The following CRH variants were observed in gnomAD, a reference collection of about 807,000 sequenced individuals.
The protein encoded by CRH is corticotropin releasing hormone.
Under a neutral mutation model 11.1 loss-of-function variants are expected in CRH, and 6 were observed. That is an observed-to-expected ratio of 0.54 (90% CI 0.30 to 1.07). CRH has a LOEUF of 1.07. Ranked by LOEUF, CRH falls within the 50% of genes least tolerant of loss-of-function variation. CRH has a pLI of 0.07. For missense variants in CRH, 289 were observed against 269.4 expected (o/e 1.07, Z -0.51); for synonymous variants, 155 against 132.0 (o/e 1.17, Z -1.19).
rs1288004731 is a variant in CRH, at chr8:66,177,008, G to T, written c.470C>A (p.Pro157His). 1 of 1,614,030 alleles carries T rather than the reference G, an allele frequency of 6.2e-7. No homozygotes were observed. The highest frequency in any genetic ancestry group is 8.5e-7 in the Non-Finnish European group (1 of 1,180,018). Residue 157 changes from proline to histidine, a missense_variant, in exon 2 of 2, where the codon CCT becomes CAT. Transcript: ENST00000276571. ...APERERRSEEPPISLDLTFHL... is the reference protein window; with the variant it reads ...APERERRSEEHPISLDLTFHL... ...GAAGGTGAGATCCAGGGAGATGGGA[G>T]GCTCCTCGGACCGCCTTTCTCTCTC... is the stretch of plus-strand genomic sequence containing the variant.
intron 1 of CRH, among the ~76,000 whole-genome samples, chr8:66,177,921 C>T: frequency 6.6e-6 from 1 of 151,962 alleles, no homozygotes; most frequent in East Asian, 1.9e-4. Context: ...GGTCCTCCCT[C>T]TCCACTTCTG....
In CRH at chr8:66,177,327, G is replaced by A; in HGVS notation, c.151C>T (p.Pro51Ser). Residue 51 changes from proline to serine, a missense_variant, in exon 2 of 2, where the codon CCG becomes TCG. This residue lies in a region of CRH where 261 missense variants were observed against 219.0 expected (regional missense o/e 1.19). Transcript: ENST00000276571. ...GGCTGCTGGGGCTGCTCGGACTGCG[G>A]CGGCGGCTGGAAGAAATCCAAGGGC... ...PQPLDFFQPPPQSEQPQQPQA... is the reference protein window; with the variant it reads ...PQPLDFFQPPSQSEQPQQPQA... The A allele has an allele frequency of 6.4e-7, 1 of 1,554,292 alleles. No individual in the cohort carries two copies. Among genetic ancestry groups the A allele is most frequent in the Non-Finnish European group, 8.7e-7 (1 of 1,154,626 alleles).
In CRH at chr8:66,176,839, A is replaced by C. The variant is rs1261824924; in HGVS notation, c.*48T>G. On this transcript the variant is annotated 3_prime_UTR_variant, in exon 2 of 2. Coordinates refer to ENST00000276571, the MANE Select transcript of CRH (RefSeq NM_000756.4). ...TGGTACAGAATACTGTATTTTTTTA[A>C]ATTTTTTTTGTGCTAAATGCAGATT... 5 of 1,535,800 alleles carry C rather than the reference A, an allele frequency of 3.3e-6. No homozygotes were observed. Among genetic ancestry groups the C allele is most frequent in the Non-Finnish European group, 4.4e-6 (5 of 1,143,928 alleles).
At chr8:66,177,591 TC>T in intron 1 of CRH, 100 bp from the exon 2 acceptor site, 14 of 1,421,604 alleles carry the variant, frequency 9.8e-6, no homozygotes, top group Non-Finnish European at 1.3e-5. Flanking sequence ...CACGGGGTCT[TC>T]CTACGGGACT....
At position 66,176,691 on chromosome 8, in the gene CRH, T is replaced by C; in HGVS notation, c.*196A>G. 1 of 543,996 alleles carries C rather than the reference T, an allele frequency of 1.8e-6. No individual in the cohort carries two copies. The allele number at this position is 543,996 out of a possible 1,614,324, so 33.7% of individuals were successfully genotyped here. A position where few individuals can be genotyped will look rare whatever the true frequency, so the allele number is the denominator to read the frequency against. Reference sequence around the variant, plus strand: ...CTAAACGTAGACAAAACGAATAACATTGTGTTGCTGCTGCACGTGAATACA... The same window carrying C: ...CTAAACGTAGACAAAACGAATAACACTGTGTTGCTGCTGCACGTGAATACA... On this transcript the variant is annotated 3_prime_UTR_variant, in exon 2 of 2. Coordinates refer to ENST00000276571, the MANE Select transcript of CRH (RefSeq NM_000756.4).
rs1053983296 is a variant in CRH, at chr8:66,176,734, A to G, written c.*153T>C. ...TGAATACACTTTGTGCATGCTAAGT[A>G]AGGGGTATAGGCTCTCTCCCTCTCT... On this transcript the variant is annotated 3_prime_UTR_variant, in exon 2 of 2. Coordinates refer to ENST00000276571, the MANE Select transcript of CRH (RefSeq NM_000756.4). The G allele has an allele frequency of 4.6e-6, 4 of 875,832 alleles. No homozygotes were observed. In the African/African-American group the frequency reaches 7.1e-5, roughly 16 times the overall value. 54.3% of individuals were successfully genotyped at this position (875,832 alleles called of 1,614,324 possible).
At position 66,176,878 on chromosome 8, in the gene CRH, C is replaced by T; in HGVS notation, c.*9G>A. The T allele has an allele frequency of 6.3e-7, 1 of 1,574,842 alleles. No homozygotes were observed. The highest frequency in any genetic ancestry group is 8.6e-7 in the Non-Finnish European group (1 of 1,159,644). On this transcript the variant is annotated 3_prime_UTR_variant, in exon 2 of 2. Coordinates refer to ENST00000276571, the MANE Select transcript of CRH (RefSeq NM_000756.4). ...TAAATGCAGATTCTTTTTGGCCAAA[C>T]GCACCGTTTTATTTCCCAATAATCT...
chr8:66,177,192 C>G lies in CRH; in HGVS notation c.286G>C (p.Gly96Arg). Residue 96 changes from glycine (G) to arginine (R), a missense_variant, in exon 2 of 2, where the codon GGA becomes CGA. Physicochemically the swap from Gly to Arg is moderately radical, Grantham distance 125. Transcript: ENST00000276571. ...PLSPASSLLAGGSGSRPSPEQ... is the reference protein window; with the variant it reads ...PLSPASSLLARGSGSRPSPEQ... The stretch of plus-strand genomic sequence containing the variant: ...GGCGAAGGGCGGCTGCCGCTGCCTC[C>G]GGCGAGGAGCGAGGAGGCGGGCGAA... 6.5e-7 allele frequency: 1 copy of G among 1,540,674 alleles called. No individual in the cohort carries two copies. Among genetic ancestry groups the G allele is most frequent in the Non-Finnish European group, 8.7e-7 (1 of 1,146,720 alleles).
chr8:66,177,368 G>C lies in CRH; in HGVS notation c.110C>G (p.Ala37Gly). 1 of 1,542,688 alleles carries C rather than the reference G, an allele frequency of 6.5e-7. No homozygotes were observed. The highest frequency in any genetic ancestry group is 1.4e-5 in the African/African-American group (1 of 73,114). ...SRGPVPGARQ[A>G]PQHPQPLDFF... is the part of the protein sequence containing the mutation. ...ATCCAAGGGCTGAGGGTGCTGCGGC[G>C]CCTGCCGAGCTCCCGGGACCGGCCC... The change falls in exon 2 of 2, where the codon GCG (alanine) becomes GGG (glycine). Residue 37 changes from alanine to glycine, a missense_variant. Around this residue, in one of 2 missense-constraint regions of CRH, gnomAD observed 261 missense variants for 219.0 expected, o/e 1.19. Transcript: ENST00000276571.
At position 66,176,726 on chromosome 8, in the gene CRH, T is replaced by C; in HGVS notation, c.*161A>G. ...GCTGCACGTGAATACACTTTGTGCA[T>C]GCTAAGTAAGGGGTATAGGCTCTCT... On this transcript the variant is annotated 3_prime_UTR_variant, in exon 2 of 2. Coordinates refer to ENST00000276571, the MANE Select transcript of CRH (RefSeq NM_000756.4). The C allele has an allele frequency of 2.5e-6, 2 of 804,338 alleles. No homozygotes were observed. The highest frequency in any genetic ancestry group is 3.6e-6 in the Non-Finnish European group (2 of 562,220). 49.8% of individuals were successfully genotyped at this position (804,338 alleles called of 1,614,324 possible). A position where few individuals can be genotyped will look rare whatever the true frequency, so the allele number is the denominator to read the frequency against.
chr8:66,177,448 T>G lies in CRH; in HGVS notation c.30A>C (p.Gly10=). The G allele has an allele frequency of 6.5e-7, 1 of 1,537,796 alleles. No homozygotes were observed. Among genetic ancestry groups the G allele is most frequent in the Non-Finnish European group, 8.7e-7 (1 of 1,146,874 alleles). The change falls in exon 2 of 2, where the codon GGA becomes GGC. Residue 10 remains glycine, a synonymous_variant. Transcript: ENST00000276571. ...AGGGCAGGAGAGCCACCAGCAGGAC[T>G]CCCGCGGACACAAGCAGCGGCAGCC... MRLPLLVSA[G]VLLVALLPCP...
At position 66,176,819 on chromosome 8, in the gene CRH, C is replaced by T. The variant is rs558282804; in HGVS notation, c.*68G>A. 2.7e-6 allele frequency: 4 copies of T among 1,504,786 alleles called. No homozygotes were observed. In the Admixed American group the frequency reaches 9.0e-5, roughly 34 times the overall value. The allele number at this position is 1,504,786 out of a possible 1,614,324, so 93.2% of individuals were successfully genotyped here. A position where few individuals can be genotyped will look rare whatever the true frequency, so the allele number is the denominator to read the frequency against. ...ATGGCATAAGAGCAGCGCTATGGTA[C>T]AGAATACTGTATTTTTTTAAATTTT... On this transcript the variant is annotated 3_prime_UTR_variant, in exon 2 of 2. Transcript: ENST00000276571.
At position 66,177,099 on chromosome 8, in the gene CRH, C is replaced by A. The variant is rs1166847662; in HGVS notation, c.379G>T (p.Asp127Tyr). ...CGCTCCGCGAGAGCCGCGGGGCTGT[C>A]GAGCGAGCGCCGAGGCAGCAGCAGC... ...QQLLLPRRSL[D>Y]SPAALAERGA... Residue 127 changes from aspartate to tyrosine, a missense_variant, in exon 2 of 2, where the codon GAC (aspartate) becomes TAC (tyrosine). By Grantham distance (160) the Asp-to-Tyr change is radical. This residue lies in a region of CRH where 261 missense variants were observed against 219.0 expected (regional missense o/e 1.19). Transcript: ENST00000276571. 4 of 1,583,506 alleles carry A rather than the reference C, an allele frequency of 2.5e-6. No individual in the cohort carries two copies. The highest frequency in any genetic ancestry group is 4.6e-5 in the East Asian group (2 of 43,484).
At position 66,177,311 on chromosome 8, in the gene CRH, G is replaced by A; in HGVS notation, c.167C>T (p.Pro56Leu). The A allele has an allele frequency of 6.4e-7, 1 of 1,556,910 alleles. No individual in the cohort carries two copies. Among genetic ancestry groups the A allele is most frequent in the Non-Finnish European group, 8.7e-7 (1 of 1,155,780 alleles). ...FFQPPPQSEQ[P>L]QQPQARPVLL... Reference sequence around the variant, plus strand: ...GACCGGCCGAGCCTGCGGCTGCTGGGGCTGCTCGGACTGCGGCGGCGGCTG... The same window carrying A: ...GACCGGCCGAGCCTGCGGCTGCTGGAGCTGCTCGGACTGCGGCGGCGGCTG... The change falls in exon 2 of 2, where the codon CCC becomes CTC. Residue 56 changes from proline (P) to leucine (L), a missense_variant. This residue lies in a region of CRH where 261 missense variants were observed against 219.0 expected (regional missense o/e 1.19). Transcript: ENST00000276571.
In CRH at chr8:66,177,203, G is replaced by A. The variant is rs1811915921; in HGVS notation, c.275C>T (p.Ser92Leu). ...GCTGCCGCTGCCTCCGGCGAGGAGCGAGGAGGCGGGCGAAAGGGGAGCGGC... is the reference window on the plus strand; with the variant it reads ...GCTGCCGCTGCCTCCGGCGAGGAGCAAGGAGGCGGGCGAAAGGGGAGCGGC... ...SPAAPLSPAS[S>L]LLAGGSGSRP... The change falls in exon 2 of 2, where the codon TCG (serine) becomes TTG (leucine). Residue 92 changes from serine to leucine, a missense_variant. Around this residue, in one of 2 missense-constraint regions of CRH, gnomAD observed 261 missense variants for 219.0 expected, o/e 1.19. Transcript: ENST00000276571. 1 of 1,541,208 alleles carries A rather than the reference G, an allele frequency of 6.5e-7. No homozygotes were observed. Among genetic ancestry groups the A allele is most frequent in the African/African-American group, 1.4e-5 (1 of 73,070 alleles).
rs958063020 is a variant in CRH at position 66,177,510 on chromosome 8, C to T, written c.-14-19G>A. ...GCACTCGCTGCGGCACAGAGGTGGG[C>T]GGAGGGCGGAATGAGAGAGGGGAAG... On this transcript the variant is annotated intron_variant, in intron 1 of 1. Coordinates refer to ENST00000276571, the MANE Select transcript of CRH (RefSeq NM_000756.4). The T allele has an allele frequency of 2.6e-6, 4 of 1,517,120 alleles. No homozygotes were observed. Among genetic ancestry groups the T allele is most frequent in the African/African-American group, 1.4e-5 (1 of 71,920 alleles). 94.0% of individuals were successfully genotyped at this position (1,517,120 alleles called of 1,614,324 possible).
In CRH at chr8:66,176,791, C is replaced by T; in HGVS notation, c.*96G>A. 2 of 1,407,666 alleles carry T rather than the reference C, an allele frequency of 1.4e-6. No homozygotes were observed. Among genetic ancestry groups the T allele is most frequent in the African/African-American group, 3.0e-5 (2 of 67,318 alleles). 87.2% of individuals were successfully genotyped at this position (1,407,666 alleles called of 1,614,324 possible). ...ATGTTTCAAGCTATATAAAAATAAA[C>T]AAATGGCATAAGAGCAGCGCTATGG... On this transcript the variant is annotated 3_prime_UTR_variant, in exon 2 of 2. Coordinates refer to ENST00000276571, the MANE Select transcript of CRH (RefSeq NM_000756.4).
In CRH at chr8:66,178,330, C is replaced by T; in HGVS notation, c.-52G>A. 1 of 152,362 alleles carries T rather than the reference C, an allele frequency of 6.6e-6. No individual in the cohort carries two copies. Among genetic ancestry groups the T allele is most frequent in the Admixed American group, 6.5e-5 (1 of 15,282 alleles). 9.4% of individuals were successfully genotyped at this position (152,362 alleles called of 1,614,324 possible). On this transcript the variant is annotated 5_prime_UTR_variant, in exon 1 of 2. Transcript: ENST00000276571. ...TTCGCAGGTGAGCCGGGTGCTGCCG[C>T]CTCTCTGCAGAGAGACGTCTCCGGG...
Position 66,177,350 on chromosome 8 carries a change from G to A in CRH, c.128C>T (p.Pro43Leu), listed in dbSNP as rs1046860218. 6.5e-7 allele frequency: 1 copy of A among 1,550,172 alleles called. No homozygotes were observed. The highest frequency in any genetic ancestry group is 1.4e-5 in the African/African-American group (1 of 73,402). Residue 43 changes from proline to leucine, a missense_variant, in exon 2 of 2, where the codon CCC becomes CTC. Pro to Leu is a moderately conservative substitution (Grantham distance 98, BLOSUM62 -3). Transcript: ENST00000276571. ...GARQAPQHPQ[P>L]LDFFQPPPQS... is the part of the protein sequence containing the mutation. ...CGGCGGCGGCTGGAAGAAATCCAAGGGCTGAGGGTGCTGCGGCGCCTGCCG... is the reference window on the plus strand; with the variant it reads ...CGGCGGCGGCTGGAAGAAATCCAAGAGCTGAGGGTGCTGCGGCGCCTGCCG...
Sources: allele counts gnomAD v4.1 joint callset (sites outside exome capture counted in the v4.1 genomes callset), GRCh38; gene constraint gnomAD v4.1.1; regional missense constraint gnomAD v4.1.1; transcripts MANE v1.5; gene names NCBI Gene and HGNC (gene_info 2026-07-23, HGNC 2026-07-21).